The following RBPMS2 variants were observed in gnomAD, a reference collection of about 807,000 sequenced individuals.
The protein encoded by RBPMS2 is RNA-binding protein with multiple splicing 2.
RBPMS2 carries 14 observed loss-of-function variants against 25.7 expected under a neutral mutation model. The observed-to-expected ratio is 0.55, with a 90% CI of 0.36 to 0.85. The LOEUF (loss-of-function observed/expected upper bound fraction) is 0.85. Among genes scored for constraint, RBPMS2 ranks in the 40% least tolerant of loss-of-function variants. RBPMS2 has a pLI of 0.01. For synonymous variants in RBPMS2, 127 were observed against 115.6 expected (o/e 1.10, Z -0.63); for missense variants, 252 against 283.4 (o/e 0.89, Z 0.80).
rs541925875 is a variant in RBPMS2, at chr15:64,753,085, T to C, written c.88-1447A>G. ...GTGATGGGGAAGGGGAGACTTTCCA[T>C]AGCTTAGATCCATTCAAAACATTTT... On this transcript the variant is annotated intron_variant, in intron 1 of 7. Coordinates refer to ENST00000300069, the MANE Select transcript of RBPMS2 (RefSeq NM_194272.3). Among the ~76,000 whole-genome samples the C allele has an allele frequency of 3.0e-3, 450 of 152,290 alleles. 5 individuals are homozygous for C. Among genetic ancestry groups the C allele is most frequent in the Non-Finnish European group, 5.3e-3 (362 of 68,016 alleles).
chr15:64,760,743 A>G (rs768298478), intron 1 of RBPMS2, among the ~76,000 whole-genome samples: 8 of 151,978 alleles, frequency 5.3e-5, no homozygotes, highest in Non-Finnish European at 1.0e-4. Context: ...CAGAGGTTGC[A>G]CTGAGCCGAG....
At position 64,765,446 on chromosome 15, in the gene RBPMS2, G is replaced by A. The variant is rs1747967790; in HGVS notation, c.87+9787C>T. On this transcript the variant is annotated intron_variant, in intron 1 of 7. Transcript: ENST00000300069. ...AAAAAAAAATTAGCCAGGCATGGTG[G>A]CATGCACCAGTGGTCTCAGCTACTC... Among the ~76,000 whole-genome samples, 6 of 151,676 alleles carry A rather than the reference G, an allele frequency of 4.0e-5. No homozygotes were observed. The South Asian group carries it at 1.3e-3, about 32-fold the overall frequency.
At chr15:64,755,071 T>G (rs1257676730) in intron 1 of RBPMS2, among the ~76,000 whole-genome samples, 1 of 152,196 alleles carries the variant, frequency 6.6e-6, no homozygotes, top group African/African-American at 2.4e-5. Context: ...GGCTCCTTTC[T>G]GGCCAGACCT....
In RBPMS2 at chr15:64,775,364, GGCGCCGGCCCCGC is replaced by G; in HGVS notation, c.-58_-46del. ...CGGGAAGGAACGCGAGGGCGAGCGC[GGCGCCGGCCCCGC>G]GGGAAGTGGGAAGGGGCGCGGGGAG... On this transcript the variant is annotated 5_prime_UTR_variant, in exon 1 of 8. Transcript: ENST00000300069. 4 of 1,152,362 alleles carry G rather than the reference GGCGCCGGCCCCGC, an allele frequency of 3.5e-6. No homozygotes were observed. The highest frequency in any genetic ancestry group is 4.4e-6 in the Non-Finnish European group (4 of 914,316). The allele number at this position is 1,152,362 out of a possible 1,614,324, so 71.4% of individuals were successfully genotyped here.
rs182036223 is a variant in RBPMS2 at position 64,765,070 on chromosome 15, C to T, written c.87+10163G>A. The stretch of plus-strand genomic sequence containing the variant: ...TGAAACCCCGTCTCTACTAAAAATA[C>T]AAAAAAATTAGCTGGGCATGGTGGC... On this transcript the variant is annotated intron_variant, in intron 1 of 7. Transcript: ENST00000300069. 3.2e-3 allele frequency among the ~76,000 whole-genome samples: 462 copies of T among 145,464 alleles called. 3 individuals are homozygous for T. The highest frequency in any genetic ancestry group is 0.023 in the Middle Eastern group (6 of 264).
intron 1 of RBPMS2, among the ~76,000 whole-genome samples, chr15:64,763,370 C>T (rs1330860614): frequency 6.6e-6 from 1 of 152,154 alleles, no homozygotes; most frequent in East Asian, 1.9e-4. Flanking sequence ...GCTACCCAGG[C>T]AAGGACGATG....
At chr15:64,771,574 T>C (rs747445725) in intron 1 of RBPMS2, among the ~76,000 whole-genome samples, 2 of 151,764 alleles carry the variant, frequency 1.3e-5, no homozygotes, top group African/African-American at 2.4e-5. Context: ...TCCTGGAGGC[T>C]GAGGCAGGAG....
chr15:64,764,151 C>A (rs780359189), intron 1 of RBPMS2, among the ~76,000 whole-genome samples: 2 of 152,188 alleles, frequency 1.3e-5, no homozygotes, highest in African/African-American at 4.8e-5. Flanking sequence ...CTGGGCACCC[C>A]GGCATGGAAG....
intron 6 of RBPMS2, among the ~76,000 whole-genome samples, chr15:64,741,836 C>A (rs574209036): frequency 1.2e-4 from 19 of 152,272 alleles, no homozygotes; most frequent in African/African-American, 4.1e-4. Context: ...GAGTTCAAGA[C>A]CAGCCTGGGC....
intron 3 of RBPMS2, among the ~76,000 whole-genome samples, chr15:64,750,089 C>T (rs1456762554): frequency 6.6e-6 from 1 of 151,874 alleles, no homozygotes; most frequent in Non-Finnish European, 1.5e-5. Context: ...CAGCTAACTG[C>T]TTTACTGTCC....
intron 6 of RBPMS2, among the ~76,000 whole-genome samples, chr15:64,743,094 G>A (rs565648111): frequency 6.6e-6 from 1 of 152,212 alleles, no homozygotes; most frequent in Non-Finnish European, 1.5e-5. Context: ...CCCTTAGTGG[G>A]CCCTGACCAC....
intron 1 of RBPMS2, among the ~76,000 whole-genome samples, chr15:64,766,080 A>T (rs536812356): frequency 6.6e-6 from 1 of 152,038 alleles, no homozygotes; most frequent in Non-Finnish European, 1.5e-5. Flanking sequence ...GAGGAGGGGG[A>T]GGTTGGTTAA....
At chr15:64,746,019 C>T (rs533461374) in intron 6 of RBPMS2, among the ~76,000 whole-genome samples, 1 of 152,234 alleles carries the variant, frequency 6.6e-6, no homozygotes, top group Admixed American at 6.5e-5. Flanking sequence ...CAACAGTGTC[C>T]ATACTTCATT....
At position 64,775,329 on chromosome 15, in the gene RBPMS2, G is replaced by A. The variant is rs1434121695; in HGVS notation, c.-10C>T. ...GCTTCAGGTTGCTCATGGTGCGGGGGAGGGGGCGGCGGGAAGGAACGCGAG... is the reference window on the plus strand; with the variant it reads ...GCTTCAGGTTGCTCATGGTGCGGGGAAGGGGGCGGCGGGAAGGAACGCGAG... On this transcript the variant is annotated 5_prime_UTR_variant, in exon 1 of 8. Transcript: ENST00000300069. The A allele has an allele frequency of 9.3e-6, 12 of 1,286,112 alleles. No individual in the cohort carries two copies. The highest frequency in any genetic ancestry group is 3.1e-5 in the African/African-American group (2 of 64,184). 79.7% of individuals were successfully genotyped at this position (1,286,112 alleles called of 1,614,324 possible). A position where few individuals can be genotyped will look rare whatever the true frequency, so the allele number is the denominator to read the frequency against.
chr15:64,770,964 T>G, intron 1 of RBPMS2, among the ~76,000 whole-genome samples: 1 of 152,202 alleles, frequency 6.6e-6, no homozygotes, highest in South Asian at 2.1e-4. Context: ...CCAGCCACAC[T>G]GGGATGAGGT....
At chr15:64,762,177 T>C (rs966837673) in intron 1 of RBPMS2, among the ~76,000 whole-genome samples, 9 of 151,852 alleles carry the variant, frequency 5.9e-5, no homozygotes, top group Admixed American at 1.3e-4. Context: ...TTGCAAAAGG[T>C]TGGGGTAGGT....
chr15:64,750,199 G>T lies in RBPMS2; in HGVS notation c.204+144C>A. On this transcript the variant is annotated intron_variant, in intron 3 of 7. Transcript: ENST00000300069. ...TGAAGAGACAGTGGGACCTACAGAG[G>T]CTGCTCTGTCAGAAACAGGACAACA... 3 of 771,254 alleles carry T rather than the reference G, an allele frequency of 3.9e-6. No individual in the cohort carries two copies. In the South Asian group the frequency reaches 4.5e-5, roughly 12 times the overall value. The allele number at this position is 771,254 out of a possible 1,614,324, so 47.8% of individuals were successfully genotyped here. A position where few individuals can be genotyped will look rare whatever the true frequency, so the allele number is the denominator to read the frequency against.
chr15:64,750,564 C>T (rs2083668003), intron 2 of RBPMS2, among the ~76,000 whole-genome samples, 183 bp from the exon 3 acceptor site: 1 of 152,240 alleles, frequency 6.6e-6, no homozygotes, highest in Non-Finnish European at 1.5e-5. Flanking sequence ...CTGAATCACG[C>T]GGTCTAGCAC....
intron 1 of RBPMS2, among the ~76,000 whole-genome samples, chr15:64,762,737 C>T (rs2141072453): frequency 6.6e-6 from 1 of 152,320 alleles, no homozygotes; most frequent in Non-Finnish European, 1.5e-5. Context: ...GCCTCAGGTC[C>T]CGTCACACAC....
Sources: allele counts gnomAD v4.1 joint callset (sites outside exome capture counted in the v4.1 genomes callset), GRCh38; gene constraint gnomAD v4.1.1; transcripts MANE v1.5; gene names NCBI Gene and HGNC (gene_info 2026-07-23, HGNC 2026-07-21).